Variants in GRID2 observed in about 807,000 individuals in gnomAD.
GRID2 encodes the protein glutamate receptor ionotropic, delta-2.
In GRID2, 33 loss-of-function variants were observed where a neutral mutation model predicts 114.8. The observed-to-expected ratio is 0.29, with a 90% CI of 0.22 to 0.38. The LOEUF (loss-of-function observed/expected upper bound fraction) is 0.38, where lower values mean the gene tolerates loss of function less well. Among genes scored for constraint, GRID2 ranks in the 10% least tolerant of loss-of-function variants. The pLI is 1.00. For missense variants in GRID2, 1,184 were observed against 1,257.7 expected (o/e 0.94, Z 0.89); for synonymous variants, 505 against 449.9 (o/e 1.12, Z -1.55).
chr4:93,057,529 G>C (rs1390094990), intron 2 of GRID2, among the ~76,000 whole-genome samples: 1 of 151,540 alleles, frequency 6.6e-6, no homozygotes, highest in African/African-American at 2.4e-5. Flanking sequence ...AGAAGATGAG[G>C]GTGGCCAGGA....
intron 14 of GRID2, among the ~76,000 whole-genome samples, chr4:93,674,917 G>A (rs1005166821): frequency 1.3e-5 from 2 of 151,976 alleles, no homozygotes; most frequent in Admixed American, 1.3e-4. Context: ...AGATAAATAA[G>A]TAAATGGATG....
intron 7 of GRID2, among the ~76,000 whole-genome samples, chr4:93,227,035 G>C (rs894655608): frequency 1.2e-4 from 19 of 152,202 alleles, no homozygotes; most frequent in African/African-American, 3.6e-4. Context: ...GGGAGCCCAT[G>C]ATGAGTGCCT....
intron 14 of GRID2, among the ~76,000 whole-genome samples, chr4:93,755,760 G>A (rs1287760071): frequency 1.3e-5 from 2 of 152,158 alleles, no homozygotes; most frequent in African/African-American, 4.8e-5. Context: ...CAAAGTTTTT[G>A]AAGATCTTGT....
intron 1 of GRID2, among the ~76,000 whole-genome samples, chr4:92,513,373 G>A (rs1184242178): frequency 6.6e-6 from 1 of 151,698 alleles, no homozygotes; most frequent in Non-Finnish European, 1.5e-5. Context: ...CTTAATTCTG[G>A]GAACTCTATG....
At chr4:92,426,376 A>G (rs1047346694) in intron 1 of GRID2, among the ~76,000 whole-genome samples, 2 of 152,142 alleles carry the variant, frequency 1.3e-5, no homozygotes, top group East Asian at 1.9e-4. Context: ...TAGAAAAGGT[A>G]TATGCTTTGC....
chr4:93,159,367 AT>A (rs1737471211), intron 4 of GRID2, among the ~76,000 whole-genome samples: 1 of 151,856 alleles, frequency 6.6e-6, no homozygotes, highest in African/African-American at 2.4e-5. Flanking sequence ...GAAAAGCAAC[AT>A]AAGATTATTG....
intron 2 of GRID2, among the ~76,000 whole-genome samples, chr4:92,699,049 T>G (rs1447906885): frequency 6.6e-6 from 1 of 152,168 alleles, no homozygotes; most frequent in East Asian, 1.9e-4. Flanking sequence ...TACTGTTTTA[T>G]TATAGCCTCA....
chr4:93,114,446 C>T (rs1448660560), intron 4 of GRID2, among the ~76,000 whole-genome samples: 2 of 152,132 alleles, frequency 1.3e-5, no homozygotes, highest in African/African-American at 4.8e-5. Context: ...AAAGACTTTT[C>T]TGTCTTTCCC....
chr4:92,931,670 C>T, intron 2 of GRID2, among the ~76,000 whole-genome samples: 1 of 147,622 alleles, frequency 6.8e-6, no homozygotes, highest in Non-Finnish European at 1.5e-5. Flanking sequence ...CTAGAGTAAC[C>T]AAAATAACCT....
chr4:93,712,561 C>T (rs1186057649), intron 14 of GRID2, among the ~76,000 whole-genome samples: 2 of 152,058 alleles, frequency 1.3e-5, no homozygotes, highest in East Asian at 1.9e-4. Context: ...TTTCTGGTTT[C>T]ACCCCTTCTC....
chr4:93,015,484 C>CA (rs1463948875), intron 2 of GRID2, among the ~76,000 whole-genome samples: 2 of 152,108 alleles, frequency 1.3e-5, no homozygotes, highest in African/African-American at 4.8e-5. Flanking sequence ...ATAAAAATAG[C>CA]AGACAACCTC....
chr4:93,589,547 T>G (rs1737945306), intron 13 of GRID2, among the ~76,000 whole-genome samples: 1 of 152,178 alleles, frequency 6.6e-6, no homozygotes, highest in Non-Finnish European at 1.5e-5. Flanking sequence ...GCATGATTTA[T>G]AGTCATTTGG....
At chr4:93,227,588 C>T (rs1191198471) in intron 7 of GRID2, among the ~76,000 whole-genome samples, 1 of 152,148 alleles carries the variant, frequency 6.6e-6, no homozygotes, top group Admixed American at 6.5e-5. Context: ...TTTTTGTCTG[C>T]TTCTGTCTTT....
intron 8 of GRID2, among the ~76,000 whole-genome samples, chr4:93,312,418 G>T (rs1277858237): frequency 6.6e-6 from 1 of 152,128 alleles, no homozygotes; most frequent in Non-Finnish European, 1.5e-5. Context: ...GGCATATACA[G>T]GGACAAAAAC....
chr4:93,700,408 T>C (rs2110137564), intron 14 of GRID2, among the ~76,000 whole-genome samples: 1 of 152,250 alleles, frequency 6.6e-6, no homozygotes, highest in African/African-American at 2.4e-5. Context: ...TTCGATTGAC[T>C]CAATTAATTG....
At chr4:92,626,436 A>T (rs1730527739) in intron 2 of GRID2, among the ~76,000 whole-genome samples, 1 of 151,964 alleles carries the variant, frequency 6.6e-6, no homozygotes, top group Non-Finnish European at 1.5e-5. Flanking sequence ...AGTAAGTTTA[A>T]AACGAAAAAC....
chr4:92,327,188 T>A (rs1726642284), intron 1 of GRID2, among the ~76,000 whole-genome samples: 1 of 152,036 alleles, frequency 6.6e-6, no homozygotes. Context: ...CATCACACAA[T>A]GTCAGTGATT....
intron 10 of GRID2, among the ~76,000 whole-genome samples, chr4:93,434,650 T>C (rs1048969972): frequency 2.6e-5 from 4 of 152,128 alleles, no homozygotes. Context: ...ATTGTAGCCG[T>C]AGAGGTCCAA....
At position 92,860,500 on chromosome 4, in the gene GRID2, A is replaced by G. The variant is rs531344443; in HGVS notation, c.245-224495A>G. 4.5e-3 allele frequency among the ~76,000 whole-genome samples: 682 copies of G among 152,242 alleles called. 4 individuals are homozygous for G. The highest frequency in any genetic ancestry group is 8.4e-3 in the Non-Finnish European group (572 of 67,968). On this transcript the variant is annotated intron_variant, in intron 2 of 15. Transcript: ENST00000282020. ...CAATGATAGATTTGATGGCATTTCA[A>G]AGTAAATATTGCCTATAAAGAGAGT...
Sources: allele counts gnomAD v4.1 joint callset (sites outside exome capture counted in the v4.1 genomes callset), GRCh38; gene constraint gnomAD v4.1.1; transcripts MANE v1.5; gene names NCBI Gene and HGNC (gene_info 2026-07-23, HGNC 2026-07-21).